PCDHGB2: variants seen among roughly 807,000 people sequenced by gnomAD.
The protein encoded by PCDHGB2 is protocadherin gamma-B2.
PCDHGB2 carries 55 observed loss-of-function variants against 59.3 expected under a neutral mutation model. That is an observed-to-expected ratio of 0.93 (90% CI 0.75 to 1.16). The LOEUF is 1.16. Ranked by LOEUF, PCDHGB2 falls within the 50% of genes most tolerant of loss-of-function variation. PCDHGB2 has a pLI of 0.00. For synonymous variants in PCDHGB2, 516 were observed against 512.0 expected (o/e 1.01, Z -0.11); for missense variants, 1,228 against 1,198.5 (o/e 1.02, Z -0.36).
intron 1 of PCDHGB2, among the ~76,000 whole-genome samples, chr5:141,480,272 G>T (rs903112862): frequency 7.2e-6 from 1 of 138,796 alleles, no homozygotes; most frequent in Non-Finnish European, 1.5e-5. Flanking sequence ...TTCATTAGCT[G>T]GGTGTGTTGG....
At chr5:141,469,836 T>C (rs2099212875) in intron 1 of PCDHGB2, among the ~76,000 whole-genome samples, 1 of 152,064 alleles carries the variant, frequency 6.6e-6, no homozygotes, top group South Asian at 2.1e-4. Flanking sequence ...ATAAAACTTA[T>C]TCTTAAGATT....
At chr5:141,502,891 C>G (rs2099816930) in intron 2 of PCDHGB2, among the ~76,000 whole-genome samples, 1 of 117,990 alleles carries the variant, frequency 8.5e-6, no homozygotes, top group African/African-American at 3.4e-5. Context: ...GACAGGGAGT[C>G]TAGCTCTGTT....
At chr5:141,411,771 A>C (rs2095514402) in intron 1 of PCDHGB2, 1 of 151,946 alleles carries the variant, frequency 6.6e-6, no homozygotes, top group Non-Finnish European at 1.5e-5. Flanking sequence ...GGTCTCAGCT[A>C]CTCTGGTGGC....
chr5:141,383,400 C>G (rs999894916), intron 1 of PCDHGB2: 4 of 1,614,020 alleles, frequency 2.5e-6, no homozygotes, highest in Non-Finnish European at 1.7e-6. Context: ...CGAACTCCCT[C>G]CAGAGTTACC....
intron 1 of PCDHGB2, chr5:141,419,043 ATTC>A (rs560207463): frequency 6.2e-5 from 100 of 1,613,840 alleles, no homozygotes; most frequent in Non-Finnish European, 8.1e-5. Context: ...TTTAAGATTC[ATTC>A]TTCTTCTAAT....
At chr5:141,394,992 G>T (rs1392246245) in intron 1 of PCDHGB2, 50 of 1,614,044 alleles carry the variant, frequency 3.1e-5, no homozygotes, top group Non-Finnish European at 4.2e-5. Context: ...CCTGCTCCAG[G>T]ATTCCGGTGG....
At chr5:141,390,066 G>A (rs2092035559) in intron 1 of PCDHGB2, 2 of 1,614,052 alleles carry the variant, frequency 1.2e-6, no homozygotes, top group East Asian at 2.2e-5. Flanking sequence ...CTTCCAGCCT[G>A]GTCTCTGTGT....
intron 1 of PCDHGB2, chr5:141,398,072 G>T: frequency 1.9e-6 from 3 of 1,588,646 alleles, no homozygotes; most frequent in Non-Finnish European, 2.6e-6. Context: ...CAATACAGAG[G>T]TTATTTGTAA....
intron 1 of PCDHGB2, chr5:141,376,012 G>A: frequency 6.2e-7 from 1 of 1,613,402 alleles, no homozygotes; most frequent in Non-Finnish European, 8.5e-7. Flanking sequence ...AGAGCCTAGT[G>A]GTGGCCGTCC....
intron 1 of PCDHGB2, chr5:141,365,182 A>G: frequency 6.2e-7 from 1 of 1,613,876 alleles, no homozygotes; most frequent in East Asian, 2.2e-5. Context: ...TTCGCAATGA[A>G]GAAGAAAAAA....
chr5:141,448,426 T>C (rs892222815), intron 1 of PCDHGB2, among the ~76,000 whole-genome samples: 1 of 152,164 alleles, frequency 6.6e-6, no homozygotes, highest in Non-Finnish European at 1.5e-5. Context: ...ATACTATGTA[T>C]ATATTGAGAA....
At chr5:141,420,001 C>T in intron 1 of PCDHGB2, 1 of 1,614,084 alleles carries the variant, frequency 6.2e-7, no homozygotes, top group Non-Finnish European at 8.5e-7. Flanking sequence ...TTGCTCTACG[C>T]CTGCGACAGT....
intron 1 of PCDHGB2, chr5:141,400,212 C>A (rs773459521): frequency 6.2e-7 from 1 of 1,614,058 alleles, no homozygotes; most frequent in East Asian, 2.2e-5. Context: ...TGGCCTTGAT[C>A]TCAGTGCTCT....
intron 1 of PCDHGB2, among the ~76,000 whole-genome samples, chr5:141,438,223 CA>C: frequency 6.6e-6 from 1 of 151,912 alleles, no homozygotes; most frequent in Non-Finnish European, 1.5e-5. Context: ...GGCTCTGGTT[CA>C]GGAAAATGTT....
chr5:141,406,600 G>A (rs1172246444), intron 1 of PCDHGB2, among the ~76,000 whole-genome samples: 2 of 152,144 alleles, frequency 1.3e-5, no homozygotes, highest in African/African-American at 4.8e-5. Flanking sequence ...AATGGTGAAA[G>A]TTGTCACATC....
Position 141,431,041 on chromosome 5 carries a change from G to C in PCDHGB2, c.2422-63766G>C, listed in dbSNP as rs2097339173. On this transcript the variant is annotated intron_variant, in intron 1 of 3. Coordinates refer to ENST00000522605, the MANE Select transcript of PCDHGB2 (RefSeq NM_018923.3). The surrounding 1 kb of genome is among the most constrained non-coding windows in gnomAD (Gnocchi z 4.8). ...CGGCGGGCAGGATAGACCGGGAGGA[G>C]CTCTGTATGGGGGCCATCAAGTGTC... The C allele has an allele frequency of 6.2e-7, 1 of 1,614,116 alleles. No homozygotes were observed. Among genetic ancestry groups the C allele is most frequent in the Non-Finnish European group, 8.5e-7 (1 of 1,180,046 alleles).
At chr5:141,413,763 G>A (rs964376306) in intron 1 of PCDHGB2, 6 of 1,612,814 alleles carry the variant, frequency 3.7e-6, no homozygotes, top group Non-Finnish European at 5.1e-6. Context: ...TCAAGTACCC[G>A]GAGCTGGTAC....
chr5:141,466,989 G>C, intron 1 of PCDHGB2, among the ~76,000 whole-genome samples: 1 of 150,922 alleles, frequency 6.6e-6, no homozygotes. Context: ...TTTACCTTTT[G>C]GCATTTTTTT....
In PCDHGB2 at chr5:141,414,973, A is replaced by G. The variant is rs533056439; in HGVS notation, c.2421+52417A>G. 1.9e-5 allele frequency: 30 copies of G among 1,613,870 alleles called. No homozygotes were observed. The African/African-American group carries it at 3.7e-4, about 20-fold the overall frequency. Reference sequence around the variant, plus strand: ...GGTGACCAAGGTGGTGGCGGTGGACAGAGACTCCGGCCAGAACGCCTGGCT... The same window carrying G: ...GGTGACCAAGGTGGTGGCGGTGGACGGAGACTCCGGCCAGAACGCCTGGCT... On this transcript the variant is annotated intron_variant, in intron 1 of 3. Transcript: ENST00000522605.
Sources: allele counts gnomAD v4.1 joint callset (sites outside exome capture counted in the v4.1 genomes callset), GRCh38; gene constraint gnomAD v4.1.1; non-coding constraint Gnocchi (gnomAD v3.1); transcripts MANE v1.5; gene names NCBI Gene and HGNC (gene_info 2026-07-23, HGNC 2026-07-21).